Variants in SLC7A4 observed in about 807,000 individuals in gnomAD.
SLC7A4 encodes cationic amino acid transporter 4.
SLC7A4 carries 30 observed loss-of-function variants against 37.8 expected under a neutral mutation model. The ratio of observed to expected loss-of-function variants is 0.79; its 90% CI spans 0.59 to 1.08. The LOEUF is 1.08. Ranked by LOEUF, SLC7A4 falls within the 50% of genes least tolerant of loss-of-function variation. SLC7A4 has a pLI of 0.00. For missense variants in SLC7A4, 839 were observed against 843.2 expected, an observed-to-expected ratio of 1.00 and a Z score of 0.06; for synonymous variants, 359 against 376.5, an observed-to-expected ratio of 0.95 and a Z score of 0.54.
Position 21,031,285 on chromosome 22 carries a change from G to A in SLC7A4, c.528C>T (p.Ile176=). 6.2e-7 allele frequency: 1 copy of A among 1,610,866 alleles called. No individual in the cohort carries two copies. The highest frequency in any genetic ancestry group is 1.1e-5 in the South Asian group (1 of 90,576). The change falls in exon 2 of 5, where the codon ATC becomes ATT. Residue 176 remains isoleucine (I), a synonymous_variant. Coordinates refer to ENST00000382932, the MANE Select transcript of SLC7A4 (RefSeq NM_004173.3). ...GHYPDFLAAG[I]ILLASAFVSC... ...AGACAAAGGCAGAGGCCAGGAGGAT[G>A]ATGCCAGCAGCCAGGAAGTCCGGGT...
In SLC7A4 at chr22:21,030,097, G is replaced by C; in HGVS notation, c.1237C>G (p.Arg413Gly). Residue 413 changes from arginine to glycine, a missense_variant, in exon 3 of 5, where the codon CGC becomes GGC. Physicochemically the swap from Arg to Gly is moderately radical, Grantham distance 125 (BLOSUM62 -2). Coordinates refer to ENST00000382932, the MANE Select transcript of SLC7A4 (RefSeq NM_004173.3). ...CTGGGCGGGGAAGACTTCTGGAAGC[G>C]CAGCACAATGATACTGGTGGCCACG... ...TFVATSIIVL[R>G]FQKSSPPSSP... 1 of 1,612,658 alleles carries C rather than the reference G, an allele frequency of 6.2e-7. No homozygotes were observed. Among genetic ancestry groups the C allele is most frequent in the South Asian group, 1.1e-5 (1 of 90,904 alleles).
intron 1 of SLC7A4, 72 bp from the exon 2 acceptor site, chr22:21,031,924 AC>A: frequency 9.0e-7 from 1 of 1,107,566 alleles, no homozygotes. Context: ...TCCTGGTCTG[AC>A]CACCCCCAGT....
At chr22:21,030,502 A>C in intron 2 of SLC7A4, 151 bp from the exon 3 acceptor site, 1 of 869,702 alleles carries the variant, frequency 1.1e-6, no homozygotes. Context: ...GGAGTAATAG[A>C]TTGTCAGCGC....
chr22:21,030,763 C>A, intron 2 of SLC7A4, 68 bp downstream of exon 2: 1 of 1,493,062 alleles, frequency 6.7e-7, no homozygotes, highest in Non-Finnish European at 8.9e-7. Context: ...GGTGCATTCC[C>A]CAAGAATCTG....
rs568150846 is a variant in SLC7A4 at position 21,031,516 on chromosome 22, C to T, written c.297G>A (p.Thr99=). The part of the protein sequence containing the change: ...YAEFGARVPR[T]GSAYLFTYVS... ...CGTAGGTGAACAGGTAGGCAGAGCCCGTGCGTGGCACACGTGCCCCAAATT... is the reference window on the plus strand; with the variant it reads ...CGTAGGTGAACAGGTAGGCAGAGCCTGTGCGTGGCACACGTGCCCCAAATT... Residue 99 remains threonine (T), a synonymous_variant, in exon 2 of 5, where the codon ACG becomes ACA. Coordinates refer to ENST00000382932, the MANE Select transcript of SLC7A4 (RefSeq NM_004173.3). The T allele has an allele frequency of 3.1e-5, 50 of 1,610,620 alleles. No individual in the cohort carries two copies. In the East Asian group the frequency reaches 8.0e-4, roughly 26 times the overall value.
At position 21,030,988 on chromosome 22, in the gene SLC7A4, C is replaced by T. The variant is rs76136208; in HGVS notation, c.825G>A (p.Ser275=). 0.029 allele frequency: 46,818 copies of T among 1,613,834 alleles called. 3,542 individuals carry two copies. In the East Asian group the frequency reaches 0.32, roughly 11 times the overall value. ...RRSVPLAIAI[S]LAIAAGAYIL... is the part of the protein sequence containing the mutation. ...TGTAGGCACCAGCTGCAATGGCAAG[C>T]GAGATGGCGATGGCCAGAGGCACAG... The change falls in exon 2 of 5, where the codon TCG becomes TCA. Residue 275 remains serine (S), a synonymous_variant. Coordinates refer to ENST00000382932, the MANE Select transcript of SLC7A4 (RefSeq NM_004173.3).
chr22:21,029,891 C>A lies in SLC7A4; in HGVS notation c.1443G>T (p.Ala481=), dbSNP rs137876940. Reference sequence around the variant, plus strand: ...TGGCTGAGGCCAACATAACGCCAAGCGCCCAAGTCACCACTGCTCCAGGGC... The same window carrying A: ...TGGCTGAGGCCAACATAACGCCAAGAGCCCAAGTCACCACTGCTCCAGGGC... ...GYSPGAVVTW[A]LGVMLASAIT... is the part of the protein sequence containing the mutation. The change falls in exon 3 of 5, where the codon GCG becomes GCT. Residue 481 remains alanine, a synonymous_variant. Transcript: ENST00000382932. 1.2e-6 allele frequency: 2 copies of A among 1,613,798 alleles called. No homozygotes were observed. Among genetic ancestry groups the A allele is most frequent in the African/African-American group, 1.3e-5 (1 of 75,028 alleles).
At position 21,029,457 on chromosome 22, in the gene SLC7A4, AGGCAG is replaced by A; in HGVS notation, c.1624-18_1624-14del. On this transcript the variant is annotated splice_polypyrimidine_tract_variant and intron_variant, in intron 3 of 4. Transcript: ENST00000382932. ...GAACCATGGGGATCTGAGGAGGCAG[AGGCAG>A]GGCAGGGCTGGGCCGGGCTGCAGGA... The A allele has an allele frequency of 6.3e-7, 1 of 1,588,544 alleles. No homozygotes were observed. Among genetic ancestry groups the A allele is most frequent in the Non-Finnish European group, 8.6e-7 (1 of 1,157,774 alleles).
chr22:21,029,498 A>G, intron 3 of SLC7A4, 54 bp from the exon 4 acceptor site: 1 of 1,393,118 alleles, frequency 7.2e-7, no homozygotes, highest in Non-Finnish European at 1.0e-6. Flanking sequence ...AAGATCTGCC[A>G]GCCCAGGGCT....
In SLC7A4 at chr22:21,029,148, G is replaced by A. The variant is rs575091690; in HGVS notation, c.1815C>T (p.Tyr605=). The change falls in exon 5 of 5, where the codon TAC becomes TAT. Residue 605 remains tyrosine, a synonymous_variant. Transcript: ENST00000382932. ...CCAGGCTGCCCCTGGGGAATACCAC[G>A]TAGTGTGTGGAGTTCAGCCCTGGCA... ...RELPGLNSTH[Y]VVFPRGSLEE... is the part of the protein sequence containing the mutation. 2.3e-5 allele frequency: 37 copies of A among 1,613,948 alleles called. No homozygotes were observed. Among genetic ancestry groups the A allele is most frequent in the East Asian group, 2.0e-4 (9 of 44,880 alleles).
chr22:21,031,742 A>G lies in SLC7A4; in HGVS notation c.71T>C (p.Leu24Pro). The change falls in exon 2 of 5, where the codon CTG (leucine) becomes CCG (proline). Residue 24 changes from leucine (L) to proline (P), a missense_variant. Leu to Pro is a moderately conservative substitution (Grantham distance 98, BLOSUM62 -3). Coordinates refer to ENST00000382932, the MANE Select transcript of SLC7A4 (RefSeq NM_004173.3). Reference sequence around the variant, plus strand: ...TGACGTCTCCATGGTGGAGTCCTCCAGCGGCTTCAGGCGGTTCAGCTTCTG... The same window carrying G: ...TGACGTCTCCATGGTGGAGTCCTCCGGCGGCTTCAGGCGGTTCAGCTTCTG... ...LCQKLNRLKP[L>P]EDSTMETSLR... 6.3e-7 allele frequency: 1 copy of G among 1,597,726 alleles called. No homozygotes were observed. Among genetic ancestry groups the G allele is most frequent in the Non-Finnish European group, 8.5e-7 (1 of 1,171,924 alleles).
In SLC7A4 at chr22:21,029,865, A is replaced by G. The variant is rs145667640; in HGVS notation, c.1469T>C (p.Ile490Thr). ...WALGVMLASAITIGCVLVFGN... is the reference protein window; with the variant it reads ...WALGVMLASATTIGCVLVFGN... The stretch of plus-strand genomic sequence containing the variant: ...AAAGACAAGCACGCAGCCTATGGTG[A>G]TGGCTGAGGCCAACATAACGCCAAG... Residue 490 changes from isoleucine (I) to threonine (T), a missense_variant, in exon 3 of 5, where the codon ATC becomes ACC. Coordinates refer to ENST00000382932, the MANE Select transcript of SLC7A4 (RefSeq NM_004173.3). 4 of 1,613,818 alleles carry G rather than the reference A, an allele frequency of 2.5e-6. No homozygotes were observed. The highest frequency in any genetic ancestry group is 2.2e-5 in the South Asian group (2 of 91,080).
intron 1 of SLC7A4, among the ~76,000 whole-genome samples, 160 bp from the exon 2 acceptor site, chr22:21,032,012 C>T (rs1269141744): frequency 4.6e-5 from 7 of 152,220 alleles, no homozygotes; most frequent in Non-Finnish European, 8.8e-5. Context: ...GGGCAGGTGT[C>T]AGAACCTGTG....
chr22:21,030,544 C>T (rs1928851268), intron 2 of SLC7A4, among the ~76,000 whole-genome samples, 193 bp from the exon 3 acceptor site: 4 of 152,112 alleles, frequency 2.6e-5, no homozygotes, highest in Admixed American at 2.6e-4. Context: ...TGGGTTAGGT[C>T]ACAGGCCCAC....
chr22:21,030,525 C>G (rs1601791688), intron 2 of SLC7A4, among the ~76,000 whole-genome samples, 174 bp from the exon 3 acceptor site: 1 of 152,194 alleles, frequency 6.6e-6, no homozygotes, highest in East Asian at 1.9e-4. Flanking sequence ...TGCCCAAGAA[C>G]AGGACATCTG....
rs747896214 is a variant in SLC7A4 at position 21,029,701 on chromosome 22, G to A, written c.1623+10C>T. The A allele has an allele frequency of 1.2e-6, 2 of 1,604,586 alleles. No homozygotes were observed. Among genetic ancestry groups the A allele is most frequent in the Non-Finnish European group, 8.5e-7 (1 of 1,175,400 alleles). ...GCCGAGTGTGAGTGGGTGTTGGCTAGGGGAGGTACCTGAAATAAGTCTTCC... is the reference window on the plus strand; with the variant it reads ...GCCGAGTGTGAGTGGGTGTTGGCTAAGGGAGGTACCTGAAATAAGTCTTCC... On this transcript the variant is annotated intron_variant, in intron 3 of 4. Transcript: ENST00000382932.
In SLC7A4 at chr22:21,028,915, G is replaced by A; in HGVS notation, c.*140C>T. The A allele has an allele frequency of 1.2e-6, 1 of 814,820 alleles. No homozygotes were observed. Among genetic ancestry groups the A allele is most frequent in the Non-Finnish European group, 1.9e-6 (1 of 535,576 alleles). The allele number at this position is 814,820 out of a possible 1,614,324, so 50.5% of individuals were successfully genotyped here. A position where few individuals can be genotyped will look rare whatever the true frequency, so the allele number is the denominator to read the frequency against. Reference sequence around the variant, plus strand: ...CCCGAAGCCCAGCCCCTGGATGAAGGTCCTAAGGTCCTGAGGACTCCCCAG... The same window carrying A: ...CCCGAAGCCCAGCCCCTGGATGAAGATCCTAAGGTCCTGAGGACTCCCCAG... On this transcript the variant is annotated 3_prime_UTR_variant, in exon 5 of 5. Transcript: ENST00000382932.
chr22:21,031,662 C>T lies in SLC7A4; in HGVS notation c.151G>A (p.Val51Met). The T allele has an allele frequency of 6.2e-7, 1 of 1,613,314 alleles. No individual in the cohort carries two copies. The change falls in exon 2 of 5, where the codon GTG becomes ATG. Residue 51 changes from valine to methionine, a missense_variant. By Grantham distance (21) the Val-to-Met change is conservative (BLOSUM62 1). Coordinates refer to ENST00000382932, the MANE Select transcript of SLC7A4 (RefSeq NM_004173.3). ...DLTLLGVGGM[V>M]GSGLYVLTGA... The stretch of plus-strand genomic sequence containing the variant: ...GTGAGCACGTAGAGACCCGAGCCCA[C>T]CATGCCACCCACGCCCAGAAGAGTC...
chr22:21,031,334 C>T lies in SLC7A4; in HGVS notation c.479G>A (p.Trp160Ter). ...GTAGTGGCCCAGGAGGGGCACCTGC[C>T]AAGAACCCACGTGGGTCTCAGTGAA... Reference protein sequence around the residue: ...RNFTETHVGSWQVPLLGHYPD... With the variant: ...RNFTETHVGS Residue 160 changes from tryptophan (W) to a stop codon, truncating the protein, a stop_gained, in exon 2 of 5, where the codon TGG becomes TAG. Coordinates refer to ENST00000382932, the MANE Select transcript of SLC7A4 (RefSeq NM_004173.3). LOFTEE classifies it high-confidence loss of function. 7 of 1,610,488 alleles carry T rather than the reference C, an allele frequency of 4.3e-6. No individual in the cohort carries two copies. The highest frequency in any genetic ancestry group is 5.9e-6 in the Non-Finnish European group (7 of 1,178,558).
Sources: allele counts gnomAD v4.1 joint callset (sites outside exome capture counted in the v4.1 genomes callset), GRCh38; gene constraint gnomAD v4.1.1; transcripts MANE v1.5; gene names NCBI Gene and HGNC (gene_info 2026-07-23, HGNC 2026-07-21).